SMPDL3A: variants seen among roughly 807,000 people sequenced by gnomAD.
SMPDL3A encodes the protein cyclic GMP-AMP phosphodiesterase SMPDL3A.
In SMPDL3A, 39 loss-of-function variants were observed where a neutral mutation model predicts 38.5. The observed-to-expected ratio is 1.01, with a 90% CI of 0.78 to 1.32. The LOEUF (loss-of-function observed/expected upper bound fraction) is 1.32, where lower values mean the gene tolerates loss of function less well. Ranked by LOEUF, SMPDL3A falls within the 40% of genes most tolerant of loss-of-function variation. The pLI is 0.00. For synonymous variants in SMPDL3A, 180 were observed against 194.3 expected, an observed-to-expected ratio of 0.93 and a Z score of 0.61; for missense variants, 502 against 536.2, an observed-to-expected ratio of 0.94 and a Z score of 0.63.
At position 122,806,289 on chromosome 6, in the gene SMPDL3A, T is replaced by C. The variant is rs758333151; in HGVS notation, c.976T>C (p.Leu326=). 3 of 1,613,536 alleles carry C rather than the reference T, an allele frequency of 1.9e-6. No homozygotes were observed. The Admixed American group carries it at 5.0e-5, about 27-fold the overall frequency. Residue 326 remains leucine, a synonymous_variant, in exon 7 of 8, where the codon TTA becomes CTA. Coordinates refer to ENST00000368440, the MANE Select transcript of SMPDL3A (RefSeq NM_006714.5). The part of the protein sequence containing the change: ...APAVTPVKSV[L]EKQTNNPGIR... ...TGCTGTTACACCAGTGAAGAGTGTT[T>C]TAGAAAAACAGACCAACAATCCTGG...
intron 7 of SMPDL3A, among the ~76,000 whole-genome samples, chr6:122,808,527 G>A (rs946907654): frequency 3.3e-5 from 5 of 151,874 alleles, no homozygotes; most frequent in Non-Finnish European, 5.9e-5. Flanking sequence ...TGGATTACAT[G>A]CTATTATGTT....
chr6:122,800,758 T>G (rs554976594), intron 3 of SMPDL3A, among the ~76,000 whole-genome samples: 18 of 152,306 alleles, frequency 1.2e-4, no homozygotes, highest in South Asian at 6.2e-4. Flanking sequence ...TTGTTTGTTT[T>G]TTTGTTTTTT....
At chr6:122,799,802 T>C (rs1582546806) in intron 3 of SMPDL3A, among the ~76,000 whole-genome samples, 2 of 152,298 alleles carry the variant, frequency 1.3e-5, no homozygotes, top group East Asian at 1.9e-4. Flanking sequence ...AAATAACTTT[T>C]GATAAACTCC....
chr6:122,789,957 A>G (rs1461574361), intron 1 of SMPDL3A: 2 of 848,104 alleles, frequency 2.4e-6, no homozygotes, highest in Non-Finnish European at 2.8e-6. Context: ...CTCGACCGAG[A>G]TCAGTGGCTT....
chr6:122,805,882 T>C (rs947640004), intron 6 of SMPDL3A, among the ~76,000 whole-genome samples: 1 of 152,248 alleles, frequency 6.6e-6, no homozygotes, highest in Non-Finnish European at 1.5e-5. Context: ...CATGAGCCAC[T>C]GCACCTGGCC....
intron 6 of SMPDL3A, 38 bp from the exon 7 acceptor site, chr6:122,806,195 T>C (rs748866334): frequency 7.7e-6 from 12 of 1,558,944 alleles, no homozygotes; most frequent in Admixed American, 1.8e-5. Context: ...TAAACTCTTA[T>C]TTAAAAATGT....
rs1218080709 is a variant in SMPDL3A, at chr6:122,803,924, A to G, written c.738+91A>G. ...TCGGGGTAGACTCCAGTATCAATAA[A>G]AGTATTATAATTTGAAGATTTTTTT... On this transcript the variant is annotated intron_variant, in intron 5 of 7. Coordinates refer to ENST00000368440, the MANE Select transcript of SMPDL3A (RefSeq NM_006714.5). The G allele has an allele frequency of 5.9e-6, 6 of 1,010,384 alleles. No homozygotes were observed. In the East Asian group the frequency reaches 1.5e-4, roughly 25 times the overall value. The allele number at this position is 1,010,384 out of a possible 1,614,324, so 62.6% of individuals were successfully genotyped here. A position where few individuals can be genotyped will look rare whatever the true frequency, so the allele number is the denominator to read the frequency against.
At chr6:122,808,910 T>A (rs1781756579) in intron 7 of SMPDL3A, among the ~76,000 whole-genome samples, 181 bp from the exon 8 acceptor site, 2 of 151,994 alleles carry the variant, frequency 1.3e-5, no homozygotes, top group Non-Finnish European at 2.9e-5. Context: ...GTCAGGCTGG[T>A]CTCAAACTCC....
intron 3 of SMPDL3A, among the ~76,000 whole-genome samples, chr6:122,799,377 C>G (rs1781349951): frequency 1.3e-5 from 2 of 152,172 alleles, no homozygotes; most frequent in Admixed American, 1.3e-4. Context: ...GGGATTTAGA[C>G]CAGCCCTGAG....
rs1221929883 is a variant in SMPDL3A, at chr6:122,808,651, C to CTTCCTTCCTTCCTTCCT, written c.1045-439_1045-438insTCCTTCCTTCCTTCCTT. Among the ~76,000 whole-genome samples the CTTCCTTCCTTCCTTCCT allele has an allele frequency of 6.8e-5, 6 of 88,658 alleles. No homozygotes were observed. The South Asian group carries it at 1.6e-3, about 24-fold the overall frequency. 58.2% of individuals were successfully genotyped at this position (88,658 alleles called of 152,430 possible). ...CCTTCCTTCCTTCCTTCCCCCCCTC[C>CTTCCTTCCTTCCTTCCT]TCCCCCCTCCCTCCCTCTCCTTCTT... On this transcript the variant is annotated intron_variant, in intron 7 of 7. Coordinates refer to ENST00000368440, the MANE Select transcript of SMPDL3A (RefSeq NM_006714.5).
At chr6:122,795,007 G>C (rs893904767) in intron 1 of SMPDL3A, among the ~76,000 whole-genome samples, 38 of 152,164 alleles carry the variant, frequency 2.5e-4, no homozygotes, top group African/African-American at 5.6e-4. Flanking sequence ...AACTCTTAAA[G>C]GAGACATGCT....
At position 122,809,145 on chromosome 6, in the gene SMPDL3A, A is replaced by G; in HGVS notation, c.1099A>G (p.Ile367Val). The change falls in exon 8 of 8, where the codon ATC (isoleucine) becomes GTC (valine). Residue 367 changes from isoleucine to valine, a missense_variant. Coordinates refer to ENST00000368440, the MANE Select transcript of SMPDL3A (RefSeq NM_006714.5). ...LTEANLKGES[I>V]WKLEYILTQT... is the part of the protein sequence containing the mutation. ...AGAGGCGAATCTAAAGGGAGAGTCC[A>G]TCTGGAAGCTGGAGTATATCCTGAC... 6.2e-7 allele frequency: 1 copy of G among 1,614,222 alleles called. No homozygotes were observed. The highest frequency in any genetic ancestry group is 8.5e-7 in the Non-Finnish European group (1 of 1,180,028).
At chr6:122,799,446 TTA>T (rs1296789360) in intron 3 of SMPDL3A, among the ~76,000 whole-genome samples, 1 of 152,228 alleles carries the variant, frequency 6.6e-6, no homozygotes, top group Non-Finnish European at 1.5e-5. Flanking sequence ...TTTCTCATGT[TTA>T]AAATAGAGAA....
At chr6:122,808,610 C>T (rs1781725571) in intron 7 of SMPDL3A, among the ~76,000 whole-genome samples, 1 of 79,268 alleles carries the variant, frequency 1.3e-5, no homozygotes, top group Non-Finnish European at 2.3e-5. Flanking sequence ...TCCCTCCCTC[C>T]CTTCCTTCCT....
At chr6:122,808,636 T>TTCCTTCCC (rs1781736253) in intron 7 of SMPDL3A, among the ~76,000 whole-genome samples, 1 of 45,718 alleles carries the variant, frequency 2.2e-5, no homozygotes, top group Non-Finnish European at 4.1e-5. Context: ...CCTTCCTTCC[T>TTCCTTCCC]TCCTTCCCCC....
chr6:122,808,632 T>C (rs1055783203), intron 7 of SMPDL3A, among the ~76,000 whole-genome samples: 5 of 82,414 alleles, frequency 6.1e-5, no homozygotes, highest in South Asian at 4.7e-4. Context: ...CCTTCCTTCC[T>C]TCCTTCCTTC....
At chr6:122,802,823 T>C (rs770522603) in intron 4 of SMPDL3A, among the ~76,000 whole-genome samples, 3 of 152,132 alleles carry the variant, frequency 2.0e-5, no homozygotes, top group African/African-American at 7.2e-5. Flanking sequence ...GGCAGAGATG[T>C]CTTGCATGAG....
At chr6:122,808,065 AAAAT>A (rs1468552195) in intron 7 of SMPDL3A, among the ~76,000 whole-genome samples, 3 of 152,130 alleles carry the variant, frequency 2.0e-5, no homozygotes, top group Non-Finnish European at 4.4e-5. Flanking sequence ...ATAATTTCTA[AAAAT>A]ATAAAAATAA....
intron 5 of SMPDL3A, among the ~76,000 whole-genome samples, chr6:122,804,327 G>C (rs1408175603): frequency 6.6e-6 from 1 of 150,978 alleles, no homozygotes; most frequent in Non-Finnish European, 1.5e-5. Context: ...TTCAGAGACA[G>C]GGGTCTCACT....
Sources: allele counts gnomAD v4.1 joint callset (sites outside exome capture counted in the v4.1 genomes callset), GRCh38; gene constraint gnomAD v4.1.1; transcripts MANE v1.5; gene names NCBI Gene and HGNC (gene_info 2026-07-23, HGNC 2026-07-21).